The following MDGA1 variants were observed in gnomAD, a reference collection of about 807,000 sequenced individuals.
The protein encoded by MDGA1 is MAM domain containing glycosylphosphatidylinositol anchor 1.
A neutral mutation model predicts 101.5 loss-of-function variants in MDGA1; 54 were observed. That is an observed-to-expected ratio of 0.53 (90% CI 0.43 to 0.67). The LOEUF (loss-of-function observed/expected upper bound fraction) is 0.67. Among genes scored for constraint, MDGA1 ranks in the 30% least tolerant of loss-of-function variants. MDGA1 has a pLI of 0.00. For missense variants in MDGA1, 1,083 were observed against 1,323.8 expected, an observed-to-expected ratio of 0.82 and a Z score of 2.82; for synonymous variants, 533 against 558.3, an observed-to-expected ratio of 0.95 and a Z score of 0.64.
At chr6:37,688,246 G>A (rs75412124) in intron 1 of MDGA1, among the ~76,000 whole-genome samples, 1,772 of 152,340 alleles carry the variant, frequency 0.012, 36 homozygotes, top group African/African-American at 0.041. Context: ...TACAACCACA[G>A]ATGCCTTGAT....
intron 9 of MDGA1, among the ~76,000 whole-genome samples, chr6:37,647,740 G>A (rs1761244148): frequency 6.6e-6 from 1 of 151,354 alleles, no homozygotes; most frequent in African/African-American, 2.4e-5. Flanking sequence ...AGAGAGAGGA[G>A]TGGGGAGACA....
At chr6:37,657,842 T>C (rs1460701163) in intron 3 of MDGA1, among the ~76,000 whole-genome samples, 1 of 152,084 alleles carries the variant, frequency 6.6e-6, no homozygotes, top group Non-Finnish European at 1.5e-5. Context: ...ATCTCAGAGC[T>C]GCAGCAGGAC....
intron 1 of MDGA1, among the ~76,000 whole-genome samples, chr6:37,670,356 G>T (rs1458587543): frequency 1.3e-5 from 2 of 152,170 alleles, no homozygotes; most frequent in African/African-American, 4.8e-5. Context: ...GGGTAGGGAT[G>T]TTTCATGAAC....
intron 13 of MDGA1, 118 bp downstream of exon 13, chr6:37,644,379 C>G (rs568599357): frequency 5.3e-6 from 6 of 1,135,894 alleles, no homozygotes; most frequent in Non-Finnish European, 5.9e-6. Context: ...TCCCTGAGAA[C>G]AGGGCTGCGT....
At chr6:37,660,840 T>C (rs1433737677) in intron 2 of MDGA1, among the ~76,000 whole-genome samples, 1 of 152,236 alleles carries the variant, frequency 6.6e-6, no homozygotes, top group Non-Finnish European at 1.5e-5. Context: ...TTATCTTCCA[T>C]AGAAGTCCTA....
intron 1 of MDGA1, among the ~76,000 whole-genome samples, chr6:37,683,716 T>C (rs533839032): frequency 6.6e-6 from 1 of 152,282 alleles, no homozygotes; most frequent in South Asian, 2.1e-4. Context: ...ATGCCAGAGT[T>C]CCCCCAAGGG....
At chr6:37,647,752 G>A (rs1761244410) in intron 9 of MDGA1, among the ~76,000 whole-genome samples, 2 of 152,120 alleles carry the variant, frequency 1.3e-5, no homozygotes, top group South Asian at 4.2e-4. Context: ...GGGGAGACAG[G>A]GAAAGTGTGG....
At chr6:37,656,513 C>T (rs6924003) in intron 3 of MDGA1, among the ~76,000 whole-genome samples, 8,449 of 152,152 alleles carry the variant, frequency 0.056, 363 homozygotes, top group African/African-American at 0.11. Flanking sequence ...ACTGGGACTA[C>T]AGGCATGCAC....
chr6:37,651,957 C>G (rs1401307824), intron 7 of MDGA1, 54 bp downstream of exon 7: 2 of 1,422,708 alleles, frequency 1.4e-6, no homozygotes, highest in Non-Finnish European at 1.9e-6. Context: ...TACCTCCTGT[C>G]TGTGGGCCTC....
intron 2 of MDGA1, among the ~76,000 whole-genome samples, chr6:37,662,332 G>C (rs1761644487): frequency 6.6e-6 from 1 of 152,110 alleles, no homozygotes; most frequent in Non-Finnish European, 1.5e-5. Context: ...AGGCGTGCCA[G>C]TACAGTGCTT....
intron 1 of MDGA1, among the ~76,000 whole-genome samples, chr6:37,687,400 TAAAAAAA>T (rs549945070): frequency 3.1e-5 from 4 of 128,924 alleles, no homozygotes; most frequent in Non-Finnish European, 5.0e-5. Context: ...TACTAAAAAT[TAAAAAAA>T]AAAAAAAAAA....
intron 3 of MDGA1, among the ~76,000 whole-genome samples, chr6:37,657,082 T>TAC (rs373448546): frequency 2.0e-3 from 308 of 152,220 alleles, no homozygotes; most frequent in Middle Eastern, 3.4e-3. Context: ...GGAAGTTGTT[T>TAC]ACACACACAC....
intron 1 of MDGA1, among the ~76,000 whole-genome samples, chr6:37,687,209 C>T (rs1762214376): frequency 6.6e-6 from 1 of 152,024 alleles, no homozygotes; most frequent in Non-Finnish European, 1.5e-5. Flanking sequence ...CATTTCACCT[C>T]TGCAGCCAAG....
chr6:37,643,888 C>G lies in MDGA1; in HGVS notation c.2457G>C (p.Arg819Ser). The change falls in exon 14 of 17, where the codon AGG becomes AGC. Residue 819 changes from arginine to serine, a missense_variant. By Grantham distance (110) the Arg-to-Ser change is moderately radical. Transcript: ENST00000434837. ...TGGCATTGTAGAGGGGACTCACTAA[C>G]CTTGCACGGTCCCCCAGCTCCCGAG... ...SRPRELGDRA[R>S]LVSPLYNASA... 2 of 1,613,978 alleles carry G rather than the reference C, an allele frequency of 1.2e-6. No individual in the cohort carries two copies. The highest frequency in any genetic ancestry group is 1.3e-5 in the African/African-American group (1 of 75,044).
chr6:37,637,447 G>A lies in MDGA1; in HGVS notation c.2789C>T (p.Pro930Leu), dbSNP rs764414730. The A allele has an allele frequency of 3.8e-5, 62 of 1,612,984 alleles. No individual in the cohort carries two copies. Among genetic ancestry groups the A allele is most frequent in the Non-Finnish European group, 4.9e-5 (58 of 1,179,524 alleles). The change falls in exon 17 of 17, where the codon CCG becomes CTG. Residue 930 changes from proline (P) to leucine (L), a missense_variant. Physicochemically the swap from Pro to Leu is moderately conservative, Grantham distance 98. This residue lies in a region of MDGA1 where 657 missense variants were observed against 771.4 expected (regional missense o/e 0.85). Coordinates refer to ENST00000434837, the MANE Select transcript of MDGA1 (RefSeq NM_153487.4). ...QTDPNKVVVM[P>L]GSGAPCQSSP... is the part of the protein sequence containing the mutation. ...GGACTGGCAGGGGGCTCCACTGCCC[G>A]GCATCACCACCACTGCAACAGGGGA...
At position 37,664,081 on chromosome 6, in the gene MDGA1, A is replaced by G. The variant is rs192433931; in HGVS notation, c.93T>C (p.His31=). ...VYAPAQAQIV[H]AGQACVVKED... Reference sequence around the variant, plus strand: ...CTTTCACCACACATGCCTGGCCCGCATGCACGATCTGCGCCTGGGCTGGAG... The same window carrying G: ...CTTTCACCACACATGCCTGGCCCGCGTGCACGATCTGCGCCTGGGCTGGAG... Residue 31 remains histidine, a synonymous_variant, in exon 2 of 17, where the codon CAT becomes CAC. Transcript: ENST00000434837. 56 of 1,613,854 alleles carry G rather than the reference A, an allele frequency of 3.5e-5. No individual in the cohort carries two copies. In the Middle Eastern group the frequency reaches 8.2e-4, roughly 24 times the overall value.
rs370080061 is a variant in MDGA1, at chr6:37,647,334, C to T, written c.1895-10G>A. 1.7e-4 allele frequency: 249 copies of T among 1,491,920 alleles called. No homozygotes were observed. Among genetic ancestry groups the T allele is most frequent in the South Asian group, 3.0e-4 (24 of 78,700 alleles). The allele number at this position is 1,491,920 out of a possible 1,614,324, so 92.4% of individuals were successfully genotyped here. On this transcript the variant is annotated splice_polypyrimidine_tract_variant and intron_variant, in intron 9 of 16. Transcript: ENST00000434837. ...GGGCTGTAGGCTTTGGCTAAGAGGGCGGGGAGGGGGGCATTGGGCCGTGGA... is the reference window on the plus strand; with the variant it reads ...GGGCTGTAGGCTTTGGCTAAGAGGGTGGGGAGGGGGGCATTGGGCCGTGGA...
chr6:37,655,775 G>C lies in MDGA1; in HGVS notation c.504C>G (p.Ile168Met), dbSNP rs771199670. The change falls in exon 4 of 17, where the codon ATC becomes ATG. Residue 168 changes from isoleucine to methionine, a missense_variant. Ile to Met is a conservative substitution (Grantham distance 10, BLOSUM62 1). Around this residue, in one of 3 missense-constraint regions of MDGA1, gnomAD observed 310 missense variants for 355.9 expected, o/e 0.87. Transcript: ENST00000434837. This position sits in a 1 kb window ranked among gnomAD's most constrained non-coding sequence, Gnocchi z 5.1. ...ATAGGGTATCGGAACCCCGCTTCCA[G>C]ATGAAGCGGGCAGGCGGGTTGGAGT... is the stretch of plus-strand genomic sequence containing the variant. Reference protein sequence around the residue: ...TVNSNPPARFIWKRGSDTLSH... With the variant: ...TVNSNPPARFMWKRGSDTLSH... The C allele has an allele frequency of 6.2e-7, 1 of 1,613,218 alleles. No individual in the cohort carries two copies. Among genetic ancestry groups the C allele is most frequent in the East Asian group, 2.2e-5 (1 of 44,860 alleles).
intron 1 of MDGA1, among the ~76,000 whole-genome samples, chr6:37,686,473 C>G (rs2114102226): frequency 6.6e-6 from 1 of 150,424 alleles, no homozygotes; most frequent in Non-Finnish European, 1.5e-5. Flanking sequence ...GTTGCTCAGG[C>G]TGGAGTGCAG....
Sources: allele counts gnomAD v4.1 joint callset (sites outside exome capture counted in the v4.1 genomes callset), GRCh38; gene constraint gnomAD v4.1.1; regional missense constraint gnomAD v4.1.1; non-coding constraint Gnocchi (gnomAD v3.1); transcripts MANE v1.5; gene names NCBI Gene and HGNC (gene_info 2026-07-23, HGNC 2026-07-21).